AFAP1L2: variants seen among roughly 807,000 people sequenced by gnomAD.
The protein encoded by AFAP1L2 is actin filament associated protein 1 like 2, also known as actin filament-associated protein 1-like 2.
A neutral mutation model predicts 99.3 loss-of-function variants in AFAP1L2; 46 were observed. The ratio of observed to expected loss-of-function variants is 0.46; its 90% CI spans 0.37 to 0.59. The LOEUF (loss-of-function observed/expected upper bound fraction) is 0.59. Among genes scored for constraint, AFAP1L2 ranks in the 20% least tolerant of loss-of-function variants. AFAP1L2 has a pLI of 0.00. For missense variants in AFAP1L2, 959 were observed against 1,034.9 expected, an observed-to-expected ratio of 0.93 and a Z score of 1.01; for synonymous variants, 397 against 419.1, an observed-to-expected ratio of 0.95 and a Z score of 0.64.
At chr10:114,324,831 G>C (rs2046002071) in intron 4 of AFAP1L2, among the ~76,000 whole-genome samples, 1 of 152,138 alleles carries the variant, frequency 6.6e-6, no homozygotes, top group African/African-American at 2.4e-5. Flanking sequence ...CTTTGGGGGA[G>C]AGGGTAATGC....
chr10:114,317,838 C>T (rs1356182468), intron 5 of AFAP1L2, among the ~76,000 whole-genome samples: 2 of 152,094 alleles, frequency 1.3e-5, no homozygotes, highest in Non-Finnish European at 2.9e-5. Context: ...CCAGCCTGCG[C>T]AACAGAGTGA....
Position 114,323,231 on chromosome 10 carries a change from T to C in AFAP1L2, c.346A>G (p.Lys116Glu), listed in dbSNP as rs1214919388. The C allele has an allele frequency of 3.1e-6, 5 of 1,601,238 alleles. No homozygotes were observed. In the Admixed American group the frequency reaches 6.8e-5, roughly 22 times the overall value. The change falls in exon 5 of 19, where the codon AAG becomes GAG. Residue 116 changes from lysine to glutamate, a missense_variant. By Grantham distance (56) the Lys-to-Glu change is moderately conservative. Coordinates refer to ENST00000304129, the MANE Select transcript of AFAP1L2 (RefSeq NM_001001936.3). ...TAGTAGCCCTCTGGAGACTCCGTCT[T>C]TGGGATGGCAAGCTGTTTCCGTTCT... ...IPERKQLAIP[K>E]TESPEGYYEE...
At position 114,300,699 on chromosome 10, in the gene AFAP1L2, G is replaced by C. The variant is rs775833019; in HGVS notation, c.1543-9C>G. ...TCCTCGGTAGGCTCCACCTGCAGGA[G>C]AGAGTGAGTCTGGGGCATTCAACAT... is the stretch of plus-strand genomic sequence containing the variant. On this transcript the variant is annotated splice_polypyrimidine_tract_variant and intron_variant, in intron 13 of 18. Coordinates refer to ENST00000304129, the MANE Select transcript of AFAP1L2 (RefSeq NM_001001936.3). The C allele has an allele frequency of 2.5e-6, 4 of 1,578,618 alleles. No individual in the cohort carries two copies. The East Asian group carries it at 9.0e-5, about 35-fold the overall frequency.
chr10:114,309,361 C>A (rs2042871274), intron 8 of AFAP1L2, among the ~76,000 whole-genome samples: 1 of 152,226 alleles, frequency 6.6e-6, no homozygotes, highest in Non-Finnish European at 1.5e-5. Flanking sequence ...GCTATTTCTC[C>A]ATGTGGGATG....
At chr10:114,302,580 G>A in intron 11 of AFAP1L2, 96 bp from the exon 12 acceptor site, 1 of 1,497,348 alleles carries the variant, frequency 6.7e-7, no homozygotes, top group Non-Finnish European at 9.1e-7. Context: ...CTACCCCTGA[G>A]CCTGCCCACG....
chr10:114,324,222 C>T (rs1286856205), intron 4 of AFAP1L2, among the ~76,000 whole-genome samples: 1 of 152,184 alleles, frequency 6.6e-6, no homozygotes, highest in Non-Finnish European at 1.5e-5. Flanking sequence ...TGTGTAAGCA[C>T]CCTTGAACAT....
chr10:114,308,328 T>C, intron 9 of AFAP1L2, 105 bp downstream of exon 9: 3 of 954,378 alleles, frequency 3.1e-6, no homozygotes, highest in South Asian at 1.5e-5. Context: ...GGTTTATTAA[T>C]AGGGGGCCAT....
chr10:114,301,748 C>T (rs2041237725), intron 12 of AFAP1L2: 4 of 462,564 alleles, frequency 8.6e-6, no homozygotes, highest in Admixed American at 6.7e-5. Flanking sequence ...TCCCCCATTC[C>T]TCCCTTCTAG....
chr10:114,379,184 G>A (rs2055237367), intron 1 of AFAP1L2, among the ~76,000 whole-genome samples: 1 of 150,030 alleles, frequency 6.7e-6, no homozygotes, highest in South Asian at 2.2e-4. Context: ...CTGCACTCCA[G>A]CCTGGACGAC....
At position 114,403,248 on chromosome 10, in the gene AFAP1L2, A is replaced by G. The variant is rs201302452; in HGVS notation, c.16+1192T>C. Among the ~76,000 whole-genome samples the G allele has an allele frequency of 1.7e-4, 26 of 152,308 alleles. No individual in the cohort carries two copies. The East Asian group carries it at 5.0e-3, about 29-fold the overall frequency. On this transcript the variant is annotated intron_variant, in intron 1 of 18. Transcript: ENST00000304129. ...GTCGGCAAAGACCCTTCCTGAATATATGAAGCTCTGTCTGGGACTTGGATC... is the reference window on the plus strand; with the variant it reads ...GTCGGCAAAGACCCTTCCTGAATATGTGAAGCTCTGTCTGGGACTTGGATC...
chr10:114,285,984 T>C, the AFAP1L2 span: 3 of 1,612,434 alleles, frequency 1.9e-6, no homozygotes, highest in Non-Finnish European at 2.5e-6. Flanking sequence ...CTCTTCCTGC[T>C]GGACAGCTCT....
Position 114,314,932 on chromosome 10 carries a change from G to C in AFAP1L2, c.612+628C>G, listed in dbSNP as rs958147297. Among the ~76,000 whole-genome samples the C allele has an allele frequency of 2.0e-5, 3 of 152,192 alleles. No individual in the cohort carries two copies. In the East Asian group the frequency reaches 5.8e-4, roughly 29 times the overall value. On this transcript the variant is annotated intron_variant, in intron 6 of 18. Transcript: ENST00000304129. ...CTGAGGCAGGCAGATCACAAAGTCC[G>C]GAGTTCGAGACCAGCCTGACCAACA...
intron 1 of AFAP1L2, among the ~76,000 whole-genome samples, chr10:114,398,674 G>A (rs1183146527): frequency 2.6e-5 from 4 of 152,266 alleles, no homozygotes; most frequent in East Asian, 1.9e-4. Flanking sequence ...GTCGCATAGC[G>A]AGTTAGTGGC....
chr10:114,399,432 G>A (rs764465364), intron 1 of AFAP1L2, among the ~76,000 whole-genome samples: 6 of 152,150 alleles, frequency 3.9e-5, no homozygotes, highest in Non-Finnish European at 8.8e-5. Flanking sequence ...AAGGGACACC[G>A]ATAAGGAATG....
intron 1 of AFAP1L2, among the ~76,000 whole-genome samples, chr10:114,402,938 T>G (rs1033392827): frequency 6.6e-6 from 1 of 151,946 alleles, no homozygotes; most frequent in African/African-American, 2.4e-5. Context: ...ACTCAAGGCC[T>G]GAATTCCCAG....
At chr10:114,327,226 G>A (rs1217346770) in intron 4 of AFAP1L2, among the ~76,000 whole-genome samples, 12 of 135,816 alleles carry the variant, frequency 8.8e-5, no homozygotes, top group East Asian at 7.6e-4. Context: ...GTATAGTGGT[G>A]TGATCTCAGT....
chr10:114,360,560 G>C (rs2052225290), intron 1 of AFAP1L2, among the ~76,000 whole-genome samples: 1 of 151,922 alleles, frequency 6.6e-6, no homozygotes, highest in East Asian at 1.9e-4. Context: ...TAGATAGATA[G>C]ATAGACGGAC....
At chr10:114,289,272 T>G in the AFAP1L2 span, 12 of 1,614,070 alleles carry the variant, frequency 7.4e-6, no homozygotes, top group African/African-American at 1.6e-4. Context: ...TCCCCAAAGC[T>G]GTGGTGGTGC....
At chr10:114,332,440 C>T (rs560195976) in intron 3 of AFAP1L2, among the ~76,000 whole-genome samples, 83 of 152,330 alleles carry the variant, frequency 5.4e-4, no homozygotes, top group African/African-American at 1.9e-3. Context: ...TCCATTTCAG[C>T]CAGCCCTGGG....
Sources: allele counts gnomAD v4.1 joint callset (sites outside exome capture counted in the v4.1 genomes callset), GRCh38; gene constraint gnomAD v4.1.1; transcripts MANE v1.5; gene names NCBI Gene and HGNC (gene_info 2026-07-23, HGNC 2026-07-21).